Variants in SUGCT observed in about 807,000 individuals in gnomAD.
SUGCT encodes succinyl-CoA:glutarate CoA-transferase.
A neutral mutation model predicts 55.0 loss-of-function variants in SUGCT; 41 were observed. The observed-to-expected ratio is 0.74, with a 90% CI of 0.58 to 0.97. The LOEUF (loss-of-function observed/expected upper bound fraction) is 0.97. Ranked by LOEUF, SUGCT falls within the 50% of genes least tolerant of loss-of-function variation. SUGCT has a pLI of 0.00. For missense variants in SUGCT, 568 were observed against 547.8 expected (o/e 1.04, Z -0.37); for synonymous variants, 187 against 200.4 (o/e 0.93, Z 0.56).
In SUGCT at chr7:40,778,005, C is replaced by T. The variant is rs565425389; in HGVS notation, c.1153+28508C>T. On this transcript the variant is annotated intron_variant, in intron 13 of 13. Coordinates refer to ENST00000335693, the MANE Select transcript of SUGCT (RefSeq NM_001193313.2). ...TAGCCCACAGCGGCCACCCCAGCAA[C>T]GCCTCCCACCACCTTTCCACTCTAG... Among the ~76,000 whole-genome samples, 22 of 152,316 alleles carry T rather than the reference C, an allele frequency of 1.4e-4. No individual in the cohort carries two copies. In the South Asian group the frequency reaches 1.4e-3, roughly 10 times the overall value.
At chr7:40,352,927 T>G (rs930096360) in intron 9 of SUGCT, among the ~76,000 whole-genome samples, 1 of 152,214 alleles carries the variant, frequency 6.6e-6, no homozygotes, top group Non-Finnish European at 1.5e-5. Context: ...TCTACAACTT[T>G]GTCAACATCT....
intron 1 of SUGCT, among the ~76,000 whole-genome samples, chr7:40,145,614 C>T (rs1169992582): frequency 6.6e-6 from 1 of 151,642 alleles, no homozygotes; most frequent in Non-Finnish European, 1.5e-5. Flanking sequence ...TAGGATAATA[C>T]ATGTTACACT....
At chr7:40,540,100 A>G (rs1794592262) in intron 12 of SUGCT, among the ~76,000 whole-genome samples, 1 of 152,222 alleles carries the variant, frequency 6.6e-6, no homozygotes. Context: ...TACAGAAACT[A>G]CAGTTCAATT....
intron 13 of SUGCT, among the ~76,000 whole-genome samples, chr7:40,855,252 G>T (rs1584542671): frequency 1.4e-5 from 2 of 145,596 alleles, no homozygotes; most frequent in African/African-American, 2.5e-5. Flanking sequence ...CATATTCTTT[G>T]TTGAAAAATT....
intron 12 of SUGCT, among the ~76,000 whole-genome samples, chr7:40,653,729 T>A: frequency 6.6e-6 from 1 of 152,230 alleles, no homozygotes; most frequent in East Asian, 1.9e-4. Flanking sequence ...CTTGGACCTT[T>A]GGGTGTCTTA....
chr7:40,411,586 A>C (rs1000361131), intron 9 of SUGCT, among the ~76,000 whole-genome samples: 1 of 152,180 alleles, frequency 6.6e-6, no homozygotes, highest in African/African-American at 2.4e-5. Flanking sequence ...AGAAGATAGA[A>C]GTAGATTGGT....
At chr7:40,647,849 G>C (rs898087098) in intron 12 of SUGCT, among the ~76,000 whole-genome samples, 1 of 151,826 alleles carries the variant, frequency 6.6e-6, no homozygotes, top group South Asian at 2.1e-4. Flanking sequence ...TAGACCACTT[G>C]CCCAAGTTCA....
At chr7:40,241,316 C>G (rs913080791) in intron 7 of SUGCT, among the ~76,000 whole-genome samples, 2 of 152,108 alleles carry the variant, frequency 1.3e-5, no homozygotes, top group African/African-American at 2.4e-5. Context: ...TGGTGGCTCA[C>G]GCCTGTAATC....
Position 40,240,934 on chromosome 7 carries a change from T to G in SUGCT, c.576+3208T>G, listed in dbSNP as rs370806746. Among the ~76,000 whole-genome samples the G allele has an allele frequency of 4.6e-5, 7 of 152,234 alleles. No individual in the cohort carries two copies. The East Asian group carries it at 9.7e-4, about 21-fold the overall frequency. ...TTAGAGAGTAATGCATGGTATTGCA[T>G]GTCATCTAGATGCTGGAGAGTCTGG... On this transcript the variant is annotated intron_variant, in intron 7 of 13. Coordinates refer to ENST00000335693, the MANE Select transcript of SUGCT (RefSeq NM_001193313.2).
chr7:40,390,267 G>A (rs1785351949), intron 9 of SUGCT, among the ~76,000 whole-genome samples: 2 of 152,154 alleles, frequency 1.3e-5, no homozygotes, highest in South Asian at 4.1e-4. Flanking sequence ...TCAACATGGT[G>A]TTGGAAGTTC....
At position 40,274,516 on chromosome 7, in the gene SUGCT, G is replaced by C; in HGVS notation, c.580G>C (p.Gly194Arg). The C allele has an allele frequency of 6.2e-7, 1 of 1,612,116 alleles. No individual in the cohort carries two copies. Among genetic ancestry groups the C allele is most frequent in the Non-Finnish European group, 8.5e-7 (1 of 1,179,302 alleles). The change falls in exon 8 of 14, where the codon GGA (glycine) becomes CGA (arginine). Residue 194 changes from glycine to arginine, a missense_variant. By Grantham distance (125) the Gly-to-Arg change is moderately radical (BLOSUM62 -2). Coordinates refer to ENST00000335693, the MANE Select transcript of SUGCT (RefSeq NM_001193313.2). ...CTCAACCCAACCTTCAAATCAGAAT[G>C]GAGATCCAGTTCGCCCAGGAGTAGC... ...GLMHITGPEN[G>R]DPVRPGVAMT...
At chr7:41,033,457 G>A in the SUGCT span, among the ~76,000 whole-genome samples, 1 of 152,058 alleles carries the variant, frequency 6.6e-6, no homozygotes, top group Non-Finnish European at 1.5e-5. Flanking sequence ...TAGGAACTCT[G>A]GGACCCAAAC....
At chr7:40,865,089 C>G (rs1328661416), downstream of SUGCT, among the ~76,000 whole-genome samples, 1 of 151,842 alleles carries the variant, frequency 6.6e-6, no homozygotes, top group Non-Finnish European at 1.5e-5. Flanking sequence ...ACCTCTTCCC[C>G]TCTCTCTCCT....
At chr7:40,898,348 G>T in the SUGCT span, among the ~76,000 whole-genome samples, 2 of 152,218 alleles carry the variant, frequency 1.3e-5, no homozygotes, top group Middle Eastern at 3.4e-3. Context: ...GAAGGTCTGC[G>T]GCTTCGCTCC....
At chr7:40,205,122 C>T (rs1208853362) in intron 6 of SUGCT, among the ~76,000 whole-genome samples, 2 of 149,504 alleles carry the variant, frequency 1.3e-5, no homozygotes, top group Non-Finnish European at 3.0e-5. Flanking sequence ...GGCGTGGTGG[C>T]GTGTGCCTGT....
At chr7:40,361,746 TAC>T (rs1053544423) in intron 9 of SUGCT, among the ~76,000 whole-genome samples, 33 of 152,154 alleles carry the variant, frequency 2.2e-4, no homozygotes, top group African/African-American at 8.0e-4. Context: ...TAACTGGAGA[TAC>T]AGACTTGGGA....
chr7:40,369,177 T>C (rs1008402227), intron 9 of SUGCT, among the ~76,000 whole-genome samples: 5 of 152,036 alleles, frequency 3.3e-5, no homozygotes, highest in African/African-American at 1.2e-4. Flanking sequence ...GTGATTCACA[T>C]GCAGTGAGAT....
intron 6 of SUGCT, among the ~76,000 whole-genome samples, chr7:40,204,011 CAA>C (rs960280840): frequency 2.7e-5 from 4 of 150,758 alleles, no homozygotes; most frequent in Non-Finnish European, 5.9e-5. Flanking sequence ...TTTTTTGAGA[CAA>C]AGTCTCACTT....
chr7:40,304,421 T>A (rs1009474424), intron 8 of SUGCT, among the ~76,000 whole-genome samples: 2 of 151,698 alleles, frequency 1.3e-5, no homozygotes, highest in Non-Finnish European at 2.9e-5. Flanking sequence ...AAATTTAAAT[T>A]TTTTCATATT....
Sources: allele counts gnomAD v4.1 joint callset (sites outside exome capture counted in the v4.1 genomes callset), GRCh38; gene constraint gnomAD v4.1.1; transcripts MANE v1.5; gene names NCBI Gene and HGNC (gene_info 2026-07-23, HGNC 2026-07-21).